The following SPTBN4 variants were observed in gnomAD, a reference collection of about 807,000 sequenced individuals.
The protein encoded by SPTBN4 is spectrin beta, non-erythrocytic 4.
A neutral mutation model predicts 277.8 loss-of-function variants in SPTBN4; 96 were observed. That is an observed-to-expected ratio of 0.35 (90% CI 0.29 to 0.41). The LOEUF (loss-of-function observed/expected upper bound fraction) is 0.41, where lower values mean the gene tolerates loss of function less well. Among genes scored for constraint, SPTBN4 ranks in the 10% least tolerant of loss-of-function variants. The probability of loss-of-function intolerance (pLI) is 1.00; values close to 1 mark genes in which losing one functional copy is unlikely to be tolerated. For missense variants in SPTBN4, 3,006 were observed against 3,595.7 expected, an observed-to-expected ratio of 0.84 and a Z score of 4.19; for synonymous variants, 1,481 against 1,580.3, an observed-to-expected ratio of 0.94 and a Z score of 1.49.
At position 40,513,110 on chromosome 19, in the gene SPTBN4, C is replaced by A; in HGVS notation, c.2321C>A (p.Ala774Glu). The A allele has an allele frequency of 6.9e-7, 1 of 1,457,542 alleles. No individual in the cohort carries two copies. The highest frequency in any genetic ancestry group is 9.0e-7 in the Non-Finnish European group (1 of 1,113,080). 90.3% of individuals were successfully genotyped at this position (1,457,542 alleles called of 1,614,324 possible). Residue 774 changes from alanine to glutamate, a missense_variant, in exon 14 of 36, where the codon GCG (alanine) becomes GAG (glutamate). By Grantham distance (107) the Ala-to-Glu change is moderately radical (BLOSUM62 -1). Coordinates refer to ENST00000598249, the MANE Select transcript of SPTBN4 (RefSeq NM_020971.3). ...GAGCGGCGGCTGCAGGAGGCGCGGG[C>A]GCTGCACCAGTTCGGCGCTGACCTC... ...RRERRLQEAR[A>E]LHQFGADLDG...
At chr19:40,497,103 A>G (rs1405696463) in intron 6 of SPTBN4, among the ~76,000 whole-genome samples, 2 of 150,462 alleles carry the variant, frequency 1.3e-5, no homozygotes, top group African/African-American at 4.9e-5. Flanking sequence ...AAAGAGGTAC[A>G]TGTGTCCTCA....
chr19:40,487,645 GGCT>G, intron 2 of SPTBN4, 49 bp from the exon 3 acceptor site: 2 of 1,569,378 alleles, frequency 1.3e-6, no homozygotes, highest in Non-Finnish European at 1.7e-6. Flanking sequence ...GCTCGCGGAG[GGCT>G]GGGGTGAAGG....
intron 15 of SPTBN4, among the ~76,000 whole-genome samples, chr19:40,517,919 C>T (rs1374294014): frequency 6.6e-6 from 1 of 152,188 alleles, no homozygotes; most frequent in Non-Finnish European, 1.5e-5. Context: ...GTCCTAATCT[C>T]TGTCCTCATG....
At chr19:40,499,240 T>C (rs1396190836) in intron 7 of SPTBN4, among the ~76,000 whole-genome samples, 1 of 150,092 alleles carries the variant, frequency 6.7e-6, no homozygotes, top group Non-Finnish European at 1.5e-5. Context: ...GGTTTCACCA[T>C]TGTTGGCCAG....
chr19:40,570,500 A>G lies in SPTBN4; in HGVS notation c.7091A>G (p.Glu2364Gly). 6.5e-7 allele frequency: 1 copy of G among 1,543,102 alleles called. No individual in the cohort carries two copies. The highest frequency in any genetic ancestry group is 8.7e-7 in the Non-Finnish European group (1 of 1,153,418). ...CTGCCCAACGGGCTTGAGCTGCCCG[A>G]GCGGACACCTCGGCCGGACCGGCCC... The part of the protein sequence containing the change: ...GRLPNGLELP[E>G]RTPRPDRPRA... Residue 2364 changes from glutamate (E) to glycine (G), a missense_variant, in exon 33 of 36, where the codon GAG (glutamate) becomes GGG (glycine). Physicochemically the swap from Glu to Gly is moderately conservative, Grantham distance 98. This residue lies in a region of SPTBN4 where 630 missense variants were observed against 677.6 expected (regional missense o/e 0.93). Transcript: ENST00000598249.
chr19:40,572,375 G>A lies in SPTBN4; in HGVS notation c.7531G>A (p.Asp2511Asn). 1 of 1,614,236 alleles carries A rather than the reference G, an allele frequency of 6.2e-7. No homozygotes were observed. Among genetic ancestry groups the A allele is most frequent in the South Asian group, 1.1e-5 (1 of 91,088 alleles). Residue 2511 changes from aspartate (D) to asparagine (N), a missense_variant, in exon 35 of 36, where the codon GAT becomes AAT. This residue lies in a region of SPTBN4 where 630 missense variants were observed against 677.6 expected (regional missense o/e 0.93). Coordinates refer to ENST00000598249, the MANE Select transcript of SPTBN4 (RefSeq NM_020971.3). ...CAGTGAGTTTTTGCTCCAGGCAAAAGATGAGGTGAGATCTGGTCCTTTCCT... is the reference window on the plus strand; with the variant it reads ...CAGTGAGTTTTTGCTCCAGGCAAAAAATGAGGTGAGATCTGGTCCTTTCCT... Reference protein sequence around the residue: ...DGSEFLLQAKDEEEMNGWLEA... With the variant: ...DGSEFLLQAKNEEEMNGWLEA...
chr19:40,529,649 C>A, intron 18 of SPTBN4, among the ~76,000 whole-genome samples: 1 of 152,168 alleles, frequency 6.6e-6, no homozygotes. Context: ...TGGTCCAGGC[C>A]CCCTTCCTTA....
At chr19:40,470,050 G>GTGCAGTGGCACGATCTCAGCTCAC (rs1405698803) in intron 1 of SPTBN4, among the ~76,000 whole-genome samples, 19 of 152,114 alleles carry the variant, frequency 1.2e-4, no homozygotes, top group African/African-American at 4.3e-4. Flanking sequence ...CCAGGCTGGA[G>GTGCAGTGGCACGATCTCAGCTCAC]TGCAGTGGCA....
At chr19:40,559,768 G>A (rs1052045916) in intron 26 of SPTBN4, among the ~76,000 whole-genome samples, 3 of 152,126 alleles carry the variant, frequency 2.0e-5, no homozygotes, top group Non-Finnish European at 4.4e-5. Context: ...TAGGAAACTG[G>A]GCTACTATGA....
Position 40,570,436 on chromosome 19 carries a change from C to T in SPTBN4, c.7027C>T (p.Pro2343Ser), listed in dbSNP as rs1166155871. ...CCCTCTTCCCCCTCCCTTCACACAG[C>T]CGTCGCTGCCTCAGCCACGCGAGCT... ...KEAGPGLPAG[P>S]SLPQPRELPP... Residue 2343 changes from proline to serine, a missense_variant and splice_region_variant, in exon 33 of 36, where the codon CCG becomes TCG. By Grantham distance (74) the Pro-to-Ser change is moderately conservative. Coordinates refer to ENST00000598249, the MANE Select transcript of SPTBN4 (RefSeq NM_020971.3). 17 of 1,561,204 alleles carry T rather than the reference C, an allele frequency of 1.1e-5. No individual in the cohort carries two copies. Among genetic ancestry groups the T allele is most frequent in the Non-Finnish European group, 1.5e-5 (17 of 1,162,172 alleles).
chr19:40,478,185 AAAGATTTTAAGCAGAGGTGGG>A (rs1045659480), intron 2 of SPTBN4, among the ~76,000 whole-genome samples: 5 of 152,074 alleles, frequency 3.3e-5, no homozygotes, highest in Admixed American at 6.6e-5. Context: ...GGAGCTATGG[AAAGATTTTAAGCAGAGGTGGG>A]AAGATTTTAA....
chr19:40,554,443 G>A lies in SPTBN4; in HGVS notation c.4953+18G>A. On this transcript the variant is annotated intron_variant, in intron 23 of 35. Transcript: ENST00000598249. The surrounding 1 kb of genome is among the most constrained non-coding windows in gnomAD (Gnocchi z 5.7). ...AGGGCAAGGTGCGCCCGAGCTGGGG[G>A]TGCGGAGGGCCTGGGGGCGCTGGAG... 1 of 1,538,404 alleles carries A rather than the reference G, an allele frequency of 6.5e-7. No individual in the cohort carries two copies. The highest frequency in any genetic ancestry group is 8.8e-7 in the Non-Finnish European group (1 of 1,138,988).
At position 40,519,374 on chromosome 19, in the gene SPTBN4, T is replaced by C. The variant is rs377164013; in HGVS notation, c.2904-27T>C. The C allele has an allele frequency of 7.5e-5, 112 of 1,498,194 alleles. No individual in the cohort carries two copies. In the African/African-American group the frequency reaches 1.5e-3, roughly 20 times the overall value. The allele number at this position is 1,498,194 out of a possible 1,614,324, so 92.8% of individuals were successfully genotyped here. A position where few individuals can be genotyped will look rare whatever the true frequency, so the allele number is the denominator to read the frequency against. ...CGCCCAAGAGGAGTCCCTGTCCTCC[T>C]CAAGTCACTCTCTTTCCCCTGGGCA... On this transcript the variant is annotated intron_variant, in intron 15 of 35. Transcript: ENST00000598249. This position sits in a 1 kb window ranked among gnomAD's most constrained non-coding sequence, Gnocchi z 5.7.
In SPTBN4 at chr19:40,512,702, C is replaced by A. The variant is rs752634769; in HGVS notation, c.1913C>A (p.Ala638Glu). 2 of 1,526,756 alleles carry A rather than the reference C, an allele frequency of 1.3e-6. No homozygotes were observed. Among genetic ancestry groups the A allele is most frequent in the South Asian group, 1.2e-5 (1 of 83,834 alleles). 94.6% of individuals were successfully genotyped at this position (1,526,756 alleles called of 1,614,324 possible). ...CAGGAGCAGGCAGCGCGGCGACGCG[C>A]GGAGCTGGAGGCTTCGCGGAGCCTG... Reference protein sequence around the residue: ...ELQEQAARRRAELEASRSLWA... With the variant: ...ELQEQAARRREELEASRSLWA... The change falls in exon 14 of 36, where the codon GCG becomes GAG. Residue 638 changes from alanine (A) to glutamate (E), a missense_variant. Physicochemically the swap from Ala to Glu is moderately radical, Grantham distance 107 (BLOSUM62 -1). This residue lies in a region of SPTBN4 where 1,759 missense variants were observed against 2,061.5 expected (regional missense o/e 0.85). Coordinates refer to ENST00000598249, the MANE Select transcript of SPTBN4 (RefSeq NM_020971.3).
chr19:40,504,139 GCGGGGGGGC>G lies in SPTBN4; in HGVS notation c.1665+8_1665+16del. On this transcript the variant is annotated splice_region_variant and intron_variant, in intron 12 of 35. Transcript: ENST00000598249. ...CTGGATGGAGGAGATGCAGGTGCCG[GCGGGGGGGC>G]GGGGATGCGGGTGGAGTGCCAGGAG... is the stretch of plus-strand genomic sequence containing the variant. 1.6e-6 allele frequency: 2 copies of G among 1,281,932 alleles called. No individual in the cohort carries two copies. The highest frequency in any genetic ancestry group is 2.2e-6 in the Non-Finnish European group (2 of 907,006). The allele number at this position is 1,281,932 out of a possible 1,614,324, so 79.4% of individuals were successfully genotyped here.
In SPTBN4 at chr19:40,533,250, A is replaced by G. The variant is rs1302873090; in HGVS notation, c.4095+479A>G. Among the ~76,000 whole-genome samples, 4 of 152,268 alleles carry G rather than the reference A, an allele frequency of 2.6e-5. No homozygotes were observed. In the South Asian group the frequency reaches 8.3e-4, roughly 32 times the overall value. ...TCTTGGAGCCTCAGTTTGCTGTTCTATAAAATTAAGGAAATAATAAATATA... is the reference window on the plus strand; with the variant it reads ...TCTTGGAGCCTCAGTTTGCTGTTCTGTAAAATTAAGGAAATAATAAATATA... On this transcript the variant is annotated intron_variant, in intron 19 of 35. Coordinates refer to ENST00000598249, the MANE Select transcript of SPTBN4 (RefSeq NM_020971.3).
intron 2 of SPTBN4, among the ~76,000 whole-genome samples, chr19:40,483,791 A>G (rs2080038634): frequency 6.6e-6 from 1 of 152,182 alleles, no homozygotes; most frequent in Admixed American, 6.6e-5. Context: ...GTGCATCCCT[A>G]GAGTGGTACC....
intron 21 of SPTBN4, among the ~76,000 whole-genome samples, chr19:40,549,715 A>G (rs888228057): frequency 2.0e-5 from 3 of 151,906 alleles, no homozygotes; most frequent in African/African-American, 7.3e-5. Flanking sequence ...CCATCACTCA[A>G]TTTCCTGATT....
At chr19:40,568,336 C>G (rs986834191) in intron 31 of SPTBN4, 54 bp downstream of exon 31, 1 of 1,517,216 alleles carries the variant, frequency 6.6e-7, no homozygotes, top group African/African-American at 1.4e-5. Flanking sequence ...GCGGAGAGCT[C>G]CTAGAACCCC....
Sources: gnomAD v4.1 joint callset for allele counts (sites outside exome capture counted in the v4.1 genomes callset) on GRCh38, gnomAD v4.1.1 for gene constraint, gnomAD v4.1.1 regional missense constraint, Gnocchi (gnomAD v3.1) non-coding constraint, MANE v1.5 for transcripts, NCBI Gene and HGNC (gene_info 2026-07-23, HGNC 2026-07-21) for gene names.